Variants in NLGN4X observed in about 807,000 individuals in gnomAD.
NLGN4X encodes the protein neuroligin-4, X-linked.
NLGN4X carries 3 observed loss-of-function variants against 40.3 expected under a neutral mutation model. The ratio of observed to expected loss-of-function variants is 0.07; its 90% CI spans 0.03 to 0.19. The LOEUF (loss-of-function observed/expected upper bound fraction) is 0.19, where lower values mean the gene tolerates loss of function less well. NLGN4X is among the 10% of genes least tolerant of loss of function. The probability of loss-of-function intolerance (pLI) is 1.00; values close to 1 mark genes in which losing one functional copy is unlikely to be tolerated. For missense variants in NLGN4X, 382 were observed against 708.3 expected (o/e 0.54, Z 5.23); for synonymous variants, 270 against 306.8 (o/e 0.88, Z 1.25).
intron 3 of NLGN4X, among the ~76,000 whole-genome samples, chrX:5,926,102 G>GT (rs1259531674): frequency 6.8e-5 from 7 of 103,662 alleles, no homozygotes; most frequent in Admixed American, 6.5e-4. Context: ...CCCCCATGGT[G>GT]TTCTCGTGGT....
chrX:5,975,953 T>TA (rs777707599), intron 3 of NLGN4X, among the ~76,000 whole-genome samples: 49 of 111,348 alleles, frequency 4.4e-4, no homozygotes, highest in Non-Finnish European at 8.7e-4. Flanking sequence ...TTTCTTCTCC[T>TA]ACCTTCCCCA....
intron 3 of NLGN4X, among the ~76,000 whole-genome samples, chrX:5,915,409 T>A (rs1280616788): frequency 8.9e-6 from 1 of 112,203 alleles, no homozygotes; most frequent in African/African-American, 3.2e-5. Context: ...GAACAAAATA[T>A]AAAATAATAA....
intron 2 of NLGN4X, among the ~76,000 whole-genome samples, chrX:6,029,788 C>T (rs779594714): frequency 1.8e-5 from 2 of 111,419 alleles, no homozygotes; most frequent in South Asian, 7.5e-4. Context: ...ACACATGGGA[C>T]CCTTGATGAA....
At chrX:5,997,925 T>C (rs1185190816) in intron 3 of NLGN4X, among the ~76,000 whole-genome samples, 1 of 111,209 alleles carries the variant, frequency 9.0e-6, no homozygotes, top group Admixed American at 9.6e-5. Context: ...ATACAAGTCA[T>C]GTGGAAATTG....
chrX:5,891,332 G>A lies in NLGN4X; in HGVS notation c.*1485C>T, dbSNP rs1023736422. ...CCCCCATTCTTCTATAATATTCACC[G>A]TTTGGTGACCGGATACACAAATCCA... On this transcript the variant is annotated 3_prime_UTR_variant, in exon 6 of 6. Coordinates refer to ENST00000381095, the MANE Select transcript of NLGN4X (RefSeq NM_181332.3). 1.8e-4 allele frequency: 39 copies of A among 218,450 alleles called. No homozygotes were observed. Among genetic ancestry groups the A allele is most frequent in the Admixed American group, 3.2e-4 (5 of 15,652 alleles). 18.0% of individuals were successfully genotyped at this position (218,450 alleles called of 1,213,427 possible). A position where few individuals can be genotyped will look rare whatever the true frequency, so the allele number is the denominator to read the frequency against.
intron 2 of NLGN4X, among the ~76,000 whole-genome samples, chrX:6,035,639 C>A (rs948732836): frequency 9.0e-6 from 1 of 111,275 alleles, no homozygotes; most frequent in Admixed American, 9.6e-5. Flanking sequence ...TATTTCTAAA[C>A]CCTTATAATT....
chrX:6,173,440 C>T (rs2040651900), intron 1 of NLGN4X, among the ~76,000 whole-genome samples: 1 of 111,816 alleles, frequency 8.9e-6, no homozygotes, highest in Non-Finnish European at 1.9e-5. Flanking sequence ...CCCTTCCCCA[C>T]AAAGCACCCA....
intron 5 of NLGN4X, among the ~76,000 whole-genome samples, chrX:5,899,600 T>A (rs1381068344): frequency 9.0e-6 from 1 of 111,653 alleles, no homozygotes; most frequent in Non-Finnish European, 1.9e-5. Context: ...CTTCGTGATG[T>A]CTTGGTAAAA....
chrX:6,133,811 G>A (rs2039743119), intron 2 of NLGN4X, among the ~76,000 whole-genome samples: 1 of 111,370 alleles, frequency 9.0e-6, no homozygotes, highest in Non-Finnish European at 1.9e-5. Context: ...ATCCACATGC[G>A]ACTTCATGAA....
chrX:5,981,669 C>G (rs1052882565), intron 3 of NLGN4X, among the ~76,000 whole-genome samples: 2 of 110,503 alleles, frequency 1.8e-5, no homozygotes, highest in African/African-American at 6.6e-5. Context: ...TTAAAATCTA[C>G]CATTATTCTT....
At chrX:5,946,241 G>A (rs1377549413) in intron 3 of NLGN4X, among the ~76,000 whole-genome samples, 1 of 111,273 alleles carries the variant, frequency 9.0e-6, no homozygotes, top group Non-Finnish European at 1.9e-5. Context: ...TTTTCCAGAC[G>A]TCGACAAATG....
At chrX:5,925,674 G>C (rs999647694) in intron 3 of NLGN4X, among the ~76,000 whole-genome samples, 1 of 105,088 alleles carries the variant, frequency 9.5e-6, no homozygotes, top group Non-Finnish European at 1.9e-5. Context: ...CTTCCTTAGG[G>C]TTATGGTGCC....
chrX:6,143,950 C>T (rs2039998387), intron 2 of NLGN4X, among the ~76,000 whole-genome samples: 1 of 111,874 alleles, frequency 8.9e-6, no homozygotes, highest in Non-Finnish European at 1.9e-5. Context: ...CCTGGACATG[C>T]TTCTTCTCTG....
chrX:6,167,601 G>A (rs553822479), intron 1 of NLGN4X, among the ~76,000 whole-genome samples: 2 of 112,071 alleles, frequency 1.8e-5, no homozygotes, highest in Admixed American at 1.9e-4. Context: ...GCCACTGGAT[G>A]TCATGCACCG....
intron 1 of NLGN4X, among the ~76,000 whole-genome samples, chrX:6,221,763 T>A (rs1180714117): frequency 9.0e-6 from 1 of 110,714 alleles, no homozygotes; most frequent in Non-Finnish European, 1.9e-5. Context: ...CCATCCCCCA[T>A]GCTTTTGAGA....
intron 1 of NLGN4X, among the ~76,000 whole-genome samples, chrX:6,154,990 A>G (rs926801737): frequency 1.8e-5 from 2 of 112,000 alleles, no homozygotes; most frequent in East Asian, 5.6e-4. Context: ...GTTTAATTTT[A>G]AGATACGTAT....
chrX:5,903,528 C>T lies in NLGN4X; in HGVS notation c.1150G>A (p.Val384Met), dbSNP rs767777778. The change falls in exon 5 of 6, where the codon GTG (valine) becomes ATG (methionine). Residue 384 changes from valine (V) to methionine (M), a missense_variant. Val to Met is a conservative substitution (Grantham distance 21). Coordinates refer to ENST00000381095, the MANE Select transcript of NLGN4X (RefSeq NM_181332.3). ...GEGLKFVDGI[V>M]DNEDGVTPND... is the part of the protein sequence containing the mutation. ...GGCGTCACACCGTCCTCGTTATCCA[C>T]GATGCCGTCCACGAACTTCAGGCCT... 1.1e-5 allele frequency: 13 copies of T among 1,207,311 alleles called. No individual in the cohort carries two copies. Among genetic ancestry groups the T allele is most frequent in the Admixed American group, 2.2e-5 (1 of 45,612 alleles).
At chrX:5,937,647 G>T (rs2033775778) in intron 3 of NLGN4X, among the ~76,000 whole-genome samples, 2 of 111,436 alleles carry the variant, frequency 1.8e-5, no homozygotes, top group African/African-American at 6.5e-5. Context: ...CAGGGATCTG[G>T]GATGCTTTTG....
chrX:5,945,507 C>T (rs2034093309), intron 3 of NLGN4X, among the ~76,000 whole-genome samples: 1 of 111,772 alleles, frequency 8.9e-6, no homozygotes, highest in Admixed American at 9.5e-5. Context: ...GCGAACTTGG[C>T]GCAGTGAAAA....
Sources: gnomAD v4.1 joint callset for allele counts (sites outside exome capture counted in the v4.1 genomes callset) on GRCh38, gnomAD v4.1.1 for gene constraint, MANE v1.5 for transcripts, NCBI Gene and HGNC (gene_info 2026-07-23, HGNC 2026-07-21) for gene names.